HPCAL1: variants seen among roughly 807,000 people sequenced by gnomAD.
HPCAL1 encodes the protein hippocalcin-like protein 1.
Under a neutral mutation model 17.1 loss-of-function variants are expected in HPCAL1, and 8 were observed. That is an observed-to-expected ratio of 0.47 (90% confidence interval 0.27 to 0.84). The LOEUF is 0.84. HPCAL1 is among the 40% of genes least tolerant of loss of function. The pLI is 0.13. For missense variants in HPCAL1, 165 were observed against 271.1 expected, an observed-to-expected ratio of 0.61 and a Z score of 2.75; for synonymous variants, 112 against 111.4, an observed-to-expected ratio of 1.01 and a Z score of -0.03.
chr2:10,379,942 C>T (rs1052805675), intron 1 of HPCAL1, among the ~76,000 whole-genome samples: 15 of 152,188 alleles, frequency 9.9e-5, no homozygotes, highest in East Asian at 1.9e-4. Context: ...TGTGGCCCAA[C>T]CATGAATACT....
intron 2 of HPCAL1, among the ~76,000 whole-genome samples, chr2:10,402,521 C>T (rs181872046): frequency 1.4e-4 from 21 of 152,272 alleles, no homozygotes; most frequent in African/African-American, 4.8e-4. Flanking sequence ...CCTGGGTGAT[C>T]ATGGATAAGT....
intron 1 of HPCAL1, among the ~76,000 whole-genome samples, chr2:10,340,586 G>A (rs887770271): frequency 6.6e-6 from 1 of 152,220 alleles, no homozygotes; most frequent in Non-Finnish European, 1.5e-5. Context: ...AGGCTCAGAG[G>A]GGACTGAACT....
intron 2 of HPCAL1, among the ~76,000 whole-genome samples, chr2:10,398,030 C>T (rs924616126): frequency 5.9e-5 from 9 of 152,204 alleles, no homozygotes; most frequent in Non-Finnish European, 1.2e-4. Flanking sequence ...ACAGCTCCTC[C>T]TCTCTCTCCC....
intron 1 of HPCAL1, among the ~76,000 whole-genome samples, chr2:10,316,139 G>A (rs1323293244): frequency 6.6e-6 from 1 of 152,120 alleles, no homozygotes; most frequent in African/African-American, 2.4e-5. Context: ...TTCGTTTGTT[G>A]ACCTGGAAGG....
At position 10,415,302 on chromosome 2, in the gene HPCAL1, C is replaced by T. The variant is rs536253028; in HGVS notation, c.-24-4432C>T. ...GTTTTGCCACTCACTGGCCTGACTG[C>T]GGGAGCTGGAGGGGCTGGGAGGTCA... On this transcript the variant is annotated intron_variant, in intron 2 of 4. Transcript: ENST00000307845. Among the ~76,000 whole-genome samples the T allele has an allele frequency of 3.9e-5, 6 of 152,294 alleles. No homozygotes were observed. In the South Asian group the frequency reaches 6.2e-4, roughly 16 times the overall value.
intron 1 of HPCAL1, among the ~76,000 whole-genome samples, chr2:10,345,186 C>A (rs760280970): frequency 6.6e-6 from 1 of 151,316 alleles, no homozygotes; most frequent in Non-Finnish European, 1.5e-5. Context: ...TATCTCTGTG[C>A]CTGCCTGTCT....
intron 1 of HPCAL1, among the ~76,000 whole-genome samples, chr2:10,319,664 G>A (rs1663549978): frequency 6.6e-6 from 1 of 151,984 alleles, no homozygotes; most frequent in African/African-American, 2.4e-5. Context: ...GGCCTGGAGA[G>A]AGTATCCCTG....
rs937955332 is a variant in HPCAL1, at chr2:10,354,375, C to G, written c.-110-42460C>G. ...AGCTTCCCAGGGCCTGCTATCTTCC[C>G]TGTACTGTAAGGGGACACTTTGCTC... On this transcript the variant is annotated intron_variant, in intron 1 of 4. Transcript: ENST00000307845. This position sits in a 1 kb window ranked among gnomAD's most constrained non-coding sequence, Gnocchi z 5.1. 2 of 152,234 alleles carry G rather than the reference C, an allele frequency of 1.3e-5. No individual in the cohort carries two copies. Among genetic ancestry groups the G allele is most frequent in the African/African-American group, 4.8e-5 (2 of 41,440 alleles). The allele number at this position is 152,234 out of a possible 1,614,324, so 9.4% of individuals were successfully genotyped here.
At position 10,363,421 on chromosome 2, in the gene HPCAL1, G is replaced by A. The variant is rs1037937634; in HGVS notation, c.-110-33414G>A. 3.3e-5 allele frequency among the ~76,000 whole-genome samples: 5 copies of A among 152,200 alleles called. No homozygotes were observed. The highest frequency in any genetic ancestry group is 9.7e-5 in the African/African-American group (4 of 41,444). On this transcript the variant is annotated intron_variant, in intron 1 of 4. Coordinates refer to ENST00000307845, the MANE Select transcript of HPCAL1 (RefSeq NM_002149.4). The surrounding 1 kb of genome is among the most constrained non-coding windows in gnomAD (Gnocchi z 4.7). ...GCTGCTCTGATAACTTGGATCGACT[G>A]AAGAACCTCGGGGCTTTCTTGGCTG...
intron 1 of HPCAL1, among the ~76,000 whole-genome samples, chr2:10,356,567 A>G (rs993971200): frequency 2.6e-5 from 4 of 152,134 alleles, no homozygotes; most frequent in Admixed American, 6.5e-5. Flanking sequence ...GCACGGGAAG[A>G]TTAAGTAACC....
At chr2:10,306,673 T>G (rs1214238216) in intron 1 of HPCAL1, among the ~76,000 whole-genome samples, 1 of 152,214 alleles carries the variant, frequency 6.6e-6, no homozygotes, top group Admixed American at 6.5e-5. Context: ...TGGTGCAGAT[T>G]GTAATATGAC....
intron 1 of HPCAL1, among the ~76,000 whole-genome samples, chr2:10,364,652 A>G (rs956990281): frequency 6.7e-6 from 1 of 150,080 alleles, no homozygotes; most frequent in Non-Finnish European, 1.5e-5. Context: ...TGGTGCGATC[A>G]TGGCTCACTG....
At chr2:10,399,442 T>TCACCACCACCATCATCAC (rs1669386307) in intron 2 of HPCAL1, among the ~76,000 whole-genome samples, 1 of 20,160 alleles carries the variant, frequency 5.0e-5, no homozygotes, top group African/African-American at 1.6e-4. Context: ...ACCACCACCA[T>TCACCACCACCATCATCAC]CACCATCACC....
chr2:10,418,981 A>T (rs1187532495), intron 2 of HPCAL1, among the ~76,000 whole-genome samples: 2 of 152,148 alleles, frequency 1.3e-5, no homozygotes, highest in African/African-American at 4.8e-5. Flanking sequence ...AGGCCGAGGC[A>T]GGTGGATCAC....
At chr2:10,381,677 A>C (rs944619833) in intron 1 of HPCAL1, among the ~76,000 whole-genome samples, 1 of 152,224 alleles carries the variant, frequency 6.6e-6, no homozygotes, top group Non-Finnish European at 1.5e-5. Flanking sequence ...GTGATCTTAA[A>C]GTAATGTGGC....
At position 10,427,395 on chromosome 2, in the gene HPCAL1, T is replaced by G. The variant is rs1671488062; in HGVS notation, c.*574T>G. On this transcript the variant is annotated 3_prime_UTR_variant, in exon 5 of 5. Transcript: ENST00000307845. ...CGTATTTAATGCCTCTGACTGCCTTTGAAGCGCAGCCCTCTGTGGCCCGCA... is the reference window on the plus strand; with the variant it reads ...CGTATTTAATGCCTCTGACTGCCTTGGAAGCGCAGCCCTCTGTGGCCCGCA... 6.6e-6 allele frequency: 1 copy of G among 152,654 alleles called. No homozygotes were observed. The highest frequency in any genetic ancestry group is 2.4e-5 in the African/African-American group (1 of 41,454). 9.5% of individuals were successfully genotyped at this position (152,654 alleles called of 1,614,324 possible). A position where few individuals can be genotyped will look rare whatever the true frequency, so the allele number is the denominator to read the frequency against.
chr2:10,306,653 T>G (rs1156508954), intron 1 of HPCAL1, among the ~76,000 whole-genome samples: 1 of 152,178 alleles, frequency 6.6e-6, no homozygotes, highest in Non-Finnish European at 1.5e-5. Flanking sequence ...AAAAAATGGT[T>G]GGAATCTAGT....
intron 1 of HPCAL1, among the ~76,000 whole-genome samples, chr2:10,390,254 G>C (rs1668604237): frequency 6.6e-6 from 1 of 152,168 alleles, no homozygotes; most frequent in African/African-American, 2.4e-5. Flanking sequence ...TGTGCTCTGT[G>C]TCTGGTCTCA....
intron 1 of HPCAL1, among the ~76,000 whole-genome samples, chr2:10,391,355 C>G (rs577270585): frequency 1.3e-5 from 2 of 152,214 alleles, no homozygotes; most frequent in Non-Finnish European, 2.9e-5. Flanking sequence ...TGTGACTCTG[C>G]TCTTTGCTCT....
Sources: allele counts gnomAD v4.1 joint callset (sites outside exome capture counted in the v4.1 genomes callset), GRCh38; gene constraint gnomAD v4.1.1; non-coding constraint Gnocchi (gnomAD v3.1); transcripts MANE v1.5; gene names NCBI Gene and HGNC (gene_info 2026-07-23, HGNC 2026-07-21).